Variants in ZNF251 observed in about 807,000 individuals in gnomAD.
The protein encoded by ZNF251 is zinc finger protein 251.
A neutral mutation model predicts 13.5 loss-of-function variants in ZNF251; 14 were observed. The ratio of observed to expected loss-of-function variants is 1.04; its 90% CI spans 0.69 to 1.63. The LOEUF (loss-of-function observed/expected upper bound fraction) is 1.63. Among genes scored for constraint, ZNF251 ranks in the 40% most tolerant of loss-of-function variants. ZNF251 has a pLI of 0.00. For synonymous variants in ZNF251, 287 were observed against 295.2 expected (o/e 0.97, Z 0.28); for missense variants, 764 against 834.9 (o/e 0.92, Z 1.05).
At position 144,725,258 on chromosome 8, in the gene ZNF251, G is replaced by A. The variant is rs577279221; in HGVS notation, c.278-1876C>T. On this transcript the variant is annotated intron_variant, in intron 4 of 4. Transcript: ENST00000292562. The stretch of plus-strand genomic sequence containing the variant: ...GCAAACTCCTGAGCTCAGGCAATCC[G>A]TCCGCCTCGGCCTCCCAAAGTGCTG... Among the ~76,000 whole-genome samples the A allele has an allele frequency of 3.9e-5, 6 of 152,262 alleles. No individual in the cohort carries two copies. The South Asian group carries it at 6.2e-4, about 16-fold the overall frequency.
At chr8:144,755,370 G>C in intron 1 of ZNF251, 35 bp downstream of exon 1, 6 of 1,285,912 alleles carry the variant, frequency 4.7e-6, no homozygotes, top group Non-Finnish European at 6.1e-6. Context: ...CTGCCTGCCC[G>C]CTTGGCGCTC....
intron 4 of ZNF251, 140 bp downstream of exon 4, chr8:144,753,543 T>C: frequency 1.6e-6 from 1 of 616,666 alleles, no homozygotes; most frequent in East Asian, 2.8e-5. Flanking sequence ...TGCTCACATT[T>C]GTAGAGGGGC....
At chr8:144,739,800 C>T (rs1052393091) in intron 4 of ZNF251, among the ~76,000 whole-genome samples, 25 of 151,748 alleles carry the variant, frequency 1.6e-4, no homozygotes, top group South Asian at 2.1e-4. Flanking sequence ...GAGGCTGAGG[C>T]GGGAGGATCA....
chr8:144,747,316 T>C (rs1016299637), intron 4 of ZNF251, among the ~76,000 whole-genome samples: 1 of 152,232 alleles, frequency 6.6e-6, no homozygotes, highest in Admixed American at 6.5e-5. Flanking sequence ...GGTCTGAGAA[T>C]AGACATTCTA....
At chr8:144,732,571 G>A (rs955082254) in intron 4 of ZNF251, among the ~76,000 whole-genome samples, 2 of 152,038 alleles carry the variant, frequency 1.3e-5, no homozygotes, top group Admixed American at 6.6e-5. Flanking sequence ...CCAGCACTTG[G>A]GGAGGCCAAG....
intron 4 of ZNF251, among the ~76,000 whole-genome samples, chr8:144,729,370 T>C (rs553064430): frequency 0.04 from 5,842 of 147,782 alleles, 198 homozygotes; most frequent in Non-Finnish European, 0.058. Flanking sequence ...AGAGTCTTGC[T>C]CTGTCGCCCA....
chr8:144,750,597 C>G lies in ZNF251; in HGVS notation c.277+3086G>C, dbSNP rs185175279. 4.6e-5 allele frequency among the ~76,000 whole-genome samples: 7 copies of G among 152,310 alleles called. No individual in the cohort carries two copies. In the East Asian group the frequency reaches 1.4e-3, roughly 29 times the overall value. On this transcript the variant is annotated intron_variant, in intron 4 of 4. Transcript: ENST00000292562. ...TTTTCACTTCCTCCTGCCAGAAGCACAAGGAGATTTTTCTCTGATATTCAC... is the reference window on the plus strand; with the variant it reads ...TTTTCACTTCCTCCTGCCAGAAGCAGAAGGAGATTTTTCTCTGATATTCAC...
rs755885118 is a variant in ZNF251 at position 144,754,186 on chromosome 8, C to T, written c.163+6G>A. On this transcript the variant is annotated splice_donor_region_variant and intron_variant, in intron 3 of 4. Coordinates refer to ENST00000292562, the MANE Select transcript of ZNF251 (RefSeq NM_138367.2). The stretch of plus-strand genomic sequence containing the variant: ...TGCGAACCAGGCCAAGTGCAGAGAG[C>T]CTCACCCAGAGAGGCCACGTTCCCA... 14 of 1,610,866 alleles carry T rather than the reference C, an allele frequency of 8.7e-6. No homozygotes were observed. In the South Asian group the frequency reaches 1.1e-4, roughly 13 times the overall value.
At chr8:144,750,912 C>T (rs545084242) in intron 4 of ZNF251, among the ~76,000 whole-genome samples, 1 of 148,452 alleles carries the variant, frequency 6.7e-6, no homozygotes, top group East Asian at 2.0e-4. Flanking sequence ...TGCAGTAGTG[C>T]AATCTTGGCT....
Position 144,745,967 on chromosome 8 carries a change from T to C in ZNF251, c.277+7716A>G, listed in dbSNP as rs144090592. Among the ~76,000 whole-genome samples the C allele has an allele frequency of 2.0e-5, 3 of 152,328 alleles. No homozygotes were observed. In the East Asian group the frequency reaches 5.8e-4, roughly 29 times the overall value. ...CTTCATTTATTTAGCTCTTCTTTGA[T>C]ATATTTTTATCAGTCTTGTATTTTT... On this transcript the variant is annotated intron_variant, in intron 4 of 4. Coordinates refer to ENST00000292562, the MANE Select transcript of ZNF251 (RefSeq NM_138367.2).
At chr8:144,744,009 CTTTTTT>C (rs1168495446) in intron 4 of ZNF251, among the ~76,000 whole-genome samples, 1 of 88,816 alleles carries the variant, frequency 1.1e-5, no homozygotes, top group Non-Finnish European at 2.1e-5. Context: ...CTCTCGTTGT[CTTTTTT>C]TTTTTTTTTT....
chr8:144,755,293 G>GT, intron 1 of ZNF251, 112 bp downstream of exon 1: 1 of 1,227,270 alleles, frequency 8.1e-7, no homozygotes, highest in Non-Finnish European at 1.0e-6. Context: ...TGGCTCCCGC[G>GT]GCACCCAGAA....
intron 4 of ZNF251, among the ~76,000 whole-genome samples, chr8:144,732,566 A>C (rs963794815): frequency 4.6e-5 from 7 of 152,128 alleles, no homozygotes; most frequent in Non-Finnish European, 7.4e-5. Flanking sequence ...TAATCCCAGC[A>C]CTTGGGGAGG....
intron 4 of ZNF251, among the ~76,000 whole-genome samples, chr8:144,732,228 C>T (rs1343830967): frequency 2.0e-5 from 3 of 152,284 alleles, no homozygotes; most frequent in South Asian, 4.1e-4. Context: ...CAGGTGTGAG[C>T]CACTGTGCCC....
In ZNF251 at chr8:144,735,696, T is replaced by C. The variant is rs1015318653; in HGVS notation, c.278-12314A>G. 4.6e-5 allele frequency among the ~76,000 whole-genome samples: 7 copies of C among 152,270 alleles called. No homozygotes were observed. The East Asian group carries it at 1.4e-3, about 29-fold the overall frequency. On this transcript the variant is annotated intron_variant, in intron 4 of 4. Coordinates refer to ENST00000292562, the MANE Select transcript of ZNF251 (RefSeq NM_138367.2). ...GCCCAGACTCAACCGCCCACCATAG[T>C]GACAACAGCCAGAGCTCACTGTAGA... is the stretch of plus-strand genomic sequence containing the variant.
Position 144,721,632 on chromosome 8 carries a change from G to A in ZNF251, c.*12C>T. ...GTGAACAGTTGCTAAACTGTCTTCT[G>A]CATTTATCACATTAAAAATGTCTTT... On this transcript the variant is annotated 3_prime_UTR_variant, in exon 5 of 5. Transcript: ENST00000292562. The A allele has an allele frequency of 7.5e-7, 1 of 1,335,152 alleles. No homozygotes were observed. The highest frequency in any genetic ancestry group is 9.7e-7 in the Non-Finnish European group (1 of 1,032,950). The allele number at this position is 1,335,152 out of a possible 1,614,324, so 82.7% of individuals were successfully genotyped here.
At chr8:144,746,523 CCT>C (rs1283009362) in intron 4 of ZNF251, among the ~76,000 whole-genome samples, 2 of 152,090 alleles carry the variant, frequency 1.3e-5, no homozygotes, top group East Asian at 1.9e-4. Context: ...GGAAGTATTC[CCT>C]CTGTTTTTAT....
Position 144,723,105 on chromosome 8 carries a change from T to G in ZNF251, c.555A>C (p.Ala185=). ...SLGERTQECS[A]FDRNLNLDQN... ...GGTCCAGATTCAAGTTTCTATCAAA[T>G]GCACTACACTCTTGGGTTCTTTCTC... is the stretch of plus-strand genomic sequence containing the variant. Residue 185 remains alanine (A), a synonymous_variant, in exon 5 of 5, where the codon GCA becomes GCC. Transcript: ENST00000292562. 6.2e-7 allele frequency: 1 copy of G among 1,614,050 alleles called. No individual in the cohort carries two copies. The highest frequency in any genetic ancestry group is 8.5e-7 in the Non-Finnish European group (1 of 1,179,892).
rs1823824900 is a variant in ZNF251 at position 144,734,661 on chromosome 8, C to T, written c.278-11279G>A. ...AGGCGCTGCCTGAAAGGTAGGGACA[C>T]ACAGAGGTCACCCTCAGATTCTTCT... On this transcript the variant is annotated intron_variant, in intron 4 of 4. Coordinates refer to ENST00000292562, the MANE Select transcript of ZNF251 (RefSeq NM_138367.2). The surrounding 1 kb of genome is among the most constrained non-coding windows in gnomAD (Gnocchi z 4.4). 6.6e-6 allele frequency among the ~76,000 whole-genome samples: 1 copy of T among 152,202 alleles called. No homozygotes were observed. The highest frequency in any genetic ancestry group is 2.4e-5 in the African/African-American group (1 of 41,450).
Sources: gnomAD v4.1 joint callset for allele counts (sites outside exome capture counted in the v4.1 genomes callset) on GRCh38, gnomAD v4.1.1 for gene constraint, Gnocchi (gnomAD v3.1) non-coding constraint, MANE v1.5 for transcripts, NCBI Gene and HGNC (gene_info 2026-07-23, HGNC 2026-07-21) for gene names.